FHOD3: variants seen among roughly 807,000 people sequenced by gnomAD.
The protein encoded by FHOD3 is FH1/FH2 domain-containing protein 3.
A neutral mutation model predicts 173.0 loss-of-function variants in FHOD3; 90 were observed. The observed-to-expected ratio is 0.52, with a 90% CI of 0.44 to 0.62. The LOEUF (loss-of-function observed/expected upper bound fraction) is 0.62. Ranked by LOEUF, FHOD3 falls within the 20% of genes least tolerant of loss-of-function variation. The pLI, the probability that FHOD3 is intolerant of heterozygous loss-of-function variation, is 0.00. For synonymous variants in FHOD3, 828 were observed against 823.0 expected (o/e 1.01, Z -0.10); for missense variants, 1,945 against 2,034.7 (o/e 0.96, Z 0.85).
chr18:36,576,437 CTT>C lies in FHOD3; in HGVS notation c.512-13_512-12del. 6.3e-7 allele frequency: 1 copy of C among 1,596,506 alleles called. No individual in the cohort carries two copies. The highest frequency in any genetic ancestry group is 1.3e-5 in the African/African-American group (1 of 74,194). On this transcript the variant is annotated splice_polypyrimidine_tract_variant and intron_variant, in intron 5 of 28. Transcript: ENST00000590592. ...TACATCTATAATGTCTCCTTTTTCT[CTT>C]GTTTTCTGTAGCTTTGGGCCAGATT...
At chr18:36,316,727 T>C (rs1342074645) in intron 1 of FHOD3, among the ~76,000 whole-genome samples, 1 of 152,156 alleles carries the variant, frequency 6.6e-6, no homozygotes, top group Non-Finnish European at 1.5e-5. Context: ...TCATTTTTTT[T>C]TTCTTTATAT....
chr18:36,716,615 G>T (rs112396322), intron 18 of FHOD3, among the ~76,000 whole-genome samples: 1 of 152,190 alleles, frequency 6.6e-6, no homozygotes, highest in Non-Finnish European at 1.5e-5. Context: ...AAGCAGCAAC[G>T]GAGACTGAGA....
chr18:36,408,742 A>G (rs1342201648), intron 3 of FHOD3, among the ~76,000 whole-genome samples: 7 of 152,112 alleles, frequency 4.6e-5, no homozygotes, highest in Non-Finnish European at 8.8e-5. Flanking sequence ...GGCCAGGGCT[A>G]AAGAGTATTC....
chr18:36,768,843 G>T lies in FHOD3; in HGVS notation c.4625-422G>T, dbSNP rs534190600. ...GAGCTGACCCAGTAAGACCCTCAGT[G>T]AGTCTCTACATTACTAGATGTGCAT... On this transcript the variant is annotated intron_variant, in intron 27 of 28. Transcript: ENST00000590592. Among the ~76,000 whole-genome samples, 17 of 152,306 alleles carry T rather than the reference G, an allele frequency of 1.1e-4. No individual in the cohort carries two copies. In the South Asian group the frequency reaches 3.5e-3, roughly 32 times the overall value.
intron 5 of FHOD3, among the ~76,000 whole-genome samples, chr18:36,532,228 A>T: frequency 6.6e-6 from 1 of 152,218 alleles, no homozygotes. Flanking sequence ...CCAAGAAAGT[A>T]TGGAGTATCT....
intron 20 of FHOD3, among the ~76,000 whole-genome samples, chr18:36,739,640 G>T (rs75570103): frequency 2.0e-5 from 3 of 152,038 alleles, no homozygotes; most frequent in Admixed American, 6.6e-5. Context: ...TTCTATCTTC[G>T]ATTGCTTTCA....
intron 14 of FHOD3, among the ~76,000 whole-genome samples, chr18:36,678,881 G>A (rs376174247): frequency 4.6e-4 from 70 of 152,156 alleles, no homozygotes; most frequent in Non-Finnish European, 7.9e-4. Flanking sequence ...ATAAGTTGCC[G>A]TCTTCACACT....
At chr18:36,635,574 G>T (rs532380487) in intron 10 of FHOD3, among the ~76,000 whole-genome samples, 53 of 152,182 alleles carry the variant, frequency 3.5e-4, no homozygotes, top group Non-Finnish European at 6.3e-4. Context: ...TGCTGAGAAT[G>T]CAGGAGGCTG....
chr18:36,409,785 C>G (rs974854507), intron 3 of FHOD3, among the ~76,000 whole-genome samples: 1 of 152,194 alleles, frequency 6.6e-6, no homozygotes, highest in Non-Finnish European at 1.5e-5. Flanking sequence ...GCTCTGGCAG[C>G]ACAGTGGCAG....
intron 9 of FHOD3, among the ~76,000 whole-genome samples, chr18:36,616,309 C>T (rs1176899129): frequency 6.6e-6 from 1 of 152,156 alleles, no homozygotes; most frequent in African/African-American, 2.4e-5. Flanking sequence ...TCCATAGGGT[C>T]ACTGTATATT....
At position 36,500,444 on chromosome 18, in the gene FHOD3, G is replaced by A. The variant is rs368185739; in HGVS notation, c.338-1488G>A. On this transcript the variant is annotated intron_variant, in intron 3 of 28. Transcript: ENST00000590592. ...GTTCCATGCCACTTGCACAAGGGGG[G>A]AATGTGGCTCTGCCCTGTATCCCTT... Among the ~76,000 whole-genome samples the A allele has an allele frequency of 3.0e-4, 45 of 152,318 alleles. No homozygotes were observed. The South Asian group carries it at 7.3e-3, about 25-fold the overall frequency.
chr18:36,438,070 A>G (rs1371961707), intron 3 of FHOD3, among the ~76,000 whole-genome samples: 1 of 152,182 alleles, frequency 6.6e-6, no homozygotes, highest in Non-Finnish European at 1.5e-5. Context: ...AATCTGTTCC[A>G]AGCAGTTTCC....
chr18:36,468,295 G>A lies in FHOD3; in HGVS notation c.338-33637G>A, dbSNP rs116192269. On this transcript the variant is annotated intron_variant, in intron 3 of 28. Transcript: ENST00000590592. ...CCCCTCGCCTGGGTAATGCTGCCTGGAGGACAAGGCTGTTACGGAAAAATG... is the reference window on the plus strand; with the variant it reads ...CCCCTCGCCTGGGTAATGCTGCCTGAAGGACAAGGCTGTTACGGAAAAATG... Among the ~76,000 whole-genome samples the A allele has an allele frequency of 6.6e-3, 1,007 of 152,300 alleles. 12 individuals are homozygous for A. The highest frequency in any genetic ancestry group is 0.023 in the African/African-American group (945 of 41,566).
At chr18:36,521,080 C>T (rs962279290) in intron 5 of FHOD3, among the ~76,000 whole-genome samples, 36 of 152,326 alleles carry the variant, frequency 2.4e-4, no homozygotes, top group African/African-American at 8.2e-4. Flanking sequence ...AACCTAGCCC[C>T]AAGCATGGAT....
intron 9 of FHOD3, among the ~76,000 whole-genome samples, chr18:36,617,307 T>A (rs2033284006): frequency 6.6e-6 from 1 of 152,224 alleles, no homozygotes; most frequent in African/African-American, 2.4e-5. Flanking sequence ...AGCTCCTTCT[T>A]CTCAGTCTGC....
At chr18:36,380,452 C>CCTCA (rs1236681005) in intron 3 of FHOD3, among the ~76,000 whole-genome samples, 1 of 149,996 alleles carries the variant, frequency 6.7e-6, no homozygotes, top group Non-Finnish European at 1.5e-5. Context: ...TCCCTCCCTC[C>CCTCA]CTCACTCCCT....
chr18:36,339,805 A>G (rs1198497170), intron 1 of FHOD3, among the ~76,000 whole-genome samples: 1 of 152,240 alleles, frequency 6.6e-6, no homozygotes, highest in Non-Finnish European at 1.5e-5. Flanking sequence ...CTGATTTTAA[A>G]AAACACCATG....
At chr18:36,322,830 G>A (rs28417780) in intron 1 of FHOD3, among the ~76,000 whole-genome samples, 20,974 of 152,022 alleles carry the variant, frequency 0.14, 3,864 homozygotes, top group African/African-American at 0.42. Flanking sequence ...GGTCATCCTC[G>A]TCTTAACAGA....
At position 36,769,301 on chromosome 18, in the gene FHOD3, C is replaced by G. The variant is rs187008252; in HGVS notation, c.4661C>G (p.Ser1554Trp). 1 of 1,614,182 alleles carries G rather than the reference C, an allele frequency of 6.2e-7. No individual in the cohort carries two copies. Residue 1554 changes from serine to tryptophan, a missense_variant, in exon 28 of 29, where the codon TCG becomes TGG. Transcript: ENST00000590592. ...TSSWTMGTDD[S>W]PNVTDDAADE... is the part of the protein sequence containing the mutation. Reference sequence around the variant, plus strand: ...TCCTGGACTATGGGAACTGATGACTCGCCCAATGTCACAGATGATGCAGCT... The same window carrying G: ...TCCTGGACTATGGGAACTGATGACTGGCCCAATGTCACAGATGATGCAGCT...
Sources: gnomAD v4.1 joint callset for allele counts (sites outside exome capture counted in the v4.1 genomes callset) on GRCh38, gnomAD v4.1.1 for gene constraint, MANE v1.5 for transcripts, NCBI Gene and HGNC (gene_info 2026-07-23, HGNC 2026-07-21) for gene names.